The following SIPA1L3 variants were observed in gnomAD, a reference collection of about 807,000 sequenced individuals.
The protein encoded by SIPA1L3 is signal induced proliferation associated 1 like 3.
Under a neutral mutation model 150.1 loss-of-function variants are expected in SIPA1L3, and 59 were observed. That is an observed-to-expected ratio of 0.39 (90% CI 0.32 to 0.49). The LOEUF is 0.49. SIPA1L3 is among the 20% of genes least tolerant of loss of function. The pLI is 0.86. For synonymous variants in SIPA1L3, 1,070 were observed against 1,077.6 expected (o/e 0.99, Z 0.14); for missense variants, 2,211 against 2,489.5 (o/e 0.89, Z 2.38).
At chr19:38,044,702 G>A (rs1272997040) in intron 2 of SIPA1L3, among the ~76,000 whole-genome samples, 1 of 152,204 alleles carries the variant, frequency 6.6e-6, no homozygotes, top group African/African-American at 2.4e-5. Context: ...TTCATGGATT[G>A]GGGAGAGGTT....
At chr19:37,926,339 C>T (rs573965739) in intron 1 of SIPA1L3, among the ~76,000 whole-genome samples, 60 of 152,318 alleles carry the variant, frequency 3.9e-4, no homozygotes, top group African/African-American at 1.4e-3. Context: ...CAAGAGGCTG[C>T]CCCTTTTCCA....
At chr19:38,105,278 T>C (rs1970597458) in intron 6 of SIPA1L3, among the ~76,000 whole-genome samples, 1 of 151,936 alleles carries the variant, frequency 6.6e-6, no homozygotes, top group Admixed American at 6.6e-5. Flanking sequence ...AGCAGGAGAA[T>C]TGCTTGAACC....
intron 9 of SIPA1L3, among the ~76,000 whole-genome samples, chr19:38,127,739 T>C (rs1971208847): frequency 6.6e-6 from 1 of 152,098 alleles, no homozygotes; most frequent in South Asian, 2.1e-4. Context: ...GCTCAAGCAG[T>C]CCTCCTGCCT....
chr19:37,915,867 G>T (rs1221868917), intron 1 of SIPA1L3, among the ~76,000 whole-genome samples: 1 of 152,114 alleles, frequency 6.6e-6, no homozygotes, highest in Non-Finnish European at 1.5e-5. Context: ...CTGGTTAGAT[G>T]TGAGGACAGT....
At chr19:38,170,017 G>A (rs1220817696) in intron 15 of SIPA1L3, among the ~76,000 whole-genome samples, 2 of 151,764 alleles carry the variant, frequency 1.3e-5, no homozygotes, top group Non-Finnish European at 2.9e-5. Flanking sequence ...GGGCCAGGGT[G>A]GGCTGGAGGG....
intron 2 of SIPA1L3, among the ~76,000 whole-genome samples, chr19:38,066,437 T>G (rs1346215765): frequency 6.6e-6 from 1 of 152,198 alleles, no homozygotes; most frequent in Admixed American, 6.5e-5. Context: ...ATTACAGCAA[T>G]GTAAAACAGT....
At chr19:38,090,471 A>AC (rs1262241368) in intron 4 of SIPA1L3, among the ~76,000 whole-genome samples, 1 of 152,138 alleles carries the variant, frequency 6.6e-6, no homozygotes, top group Non-Finnish European at 1.5e-5. Flanking sequence ...TGTGTTACCC[A>AC]CCTTGGGTCC....
In SIPA1L3 at chr19:38,164,565, C is replaced by A; in HGVS notation, c.3867C>A (p.Asp1289Glu). The A allele has an allele frequency of 6.2e-7, 1 of 1,614,090 alleles. No homozygotes were observed. ...SSSHSDDRWF[D>E]PLDPLEPEQD... ...GCCACAGCGACGACCGCTGGTTCGACCCCCTGGACCCCCTGGAGCCAGAGC... is the reference window on the plus strand; with the variant it reads ...GCCACAGCGACGACCGCTGGTTCGAACCCCTGGACCCCCTGGAGCCAGAGC... Residue 1289 changes from aspartate to glutamate, a missense_variant, in exon 15 of 22, where the codon GAC becomes GAA. This residue lies in a region of SIPA1L3 where 806 missense variants were observed against 870.1 expected (regional missense o/e 0.93). Coordinates refer to ENST00000222345, the MANE Select transcript of SIPA1L3 (RefSeq NM_015073.3). This position sits in a 1 kb window ranked among gnomAD's most constrained non-coding sequence, Gnocchi z 4.1.
At chr19:38,187,927 C>T (rs1972723420) in intron 16 of SIPA1L3, among the ~76,000 whole-genome samples, 2 of 150,572 alleles carry the variant, frequency 1.3e-5, no homozygotes, top group South Asian at 2.1e-4. Context: ...ACCCAGGAAG[C>T]GGAGGTTGCA....
intron 1 of SIPA1L3, among the ~76,000 whole-genome samples, chr19:37,943,346 C>T (rs2046679919): frequency 6.6e-6 from 1 of 152,070 alleles, no homozygotes; most frequent in African/African-American, 2.4e-5. Context: ...CACAGTCCGA[C>T]CACGCTCTCT....
At chr19:37,990,511 G>A (rs1167857634) in intron 1 of SIPA1L3, among the ~76,000 whole-genome samples, 1 of 152,184 alleles carries the variant, frequency 6.6e-6, no homozygotes, top group African/African-American at 2.4e-5. Flanking sequence ...TCTTCTGGCT[G>A]GGCATGGAGA....
At chr19:38,085,967 G>T (rs1358449681) in intron 3 of SIPA1L3, among the ~76,000 whole-genome samples, 1 of 152,080 alleles carries the variant, frequency 6.6e-6, no homozygotes, top group Non-Finnish European at 1.5e-5. Flanking sequence ...TCACAATCCA[G>T]CCTGGGCGAC....
At chr19:38,103,040 T>G (rs1284828897) in intron 6 of SIPA1L3, among the ~76,000 whole-genome samples, 1 of 151,892 alleles carries the variant, frequency 6.6e-6, no homozygotes, top group Non-Finnish European at 1.5e-5. Flanking sequence ...GGCGAATCGC[T>G]TGAACCCGGG....
intron 12 of SIPA1L3, among the ~76,000 whole-genome samples, chr19:38,143,088 C>T (rs761817008): frequency 8.5e-5 from 13 of 152,152 alleles, no homozygotes; most frequent in African/African-American, 2.7e-4. Context: ...TGCCCACTTG[C>T]GTCCATCTGC....
intron 1 of SIPA1L3, among the ~76,000 whole-genome samples, chr19:37,948,054 T>C (rs705491): frequency 0.4 from 60,189 of 152,048 alleles, 15,477 homozygotes; most frequent in East Asian, 0.71. Flanking sequence ...AGGATGTTTC[T>C]GAATCCCCTT....
chr19:38,067,628 G>T (rs1255743257), intron 2 of SIPA1L3, among the ~76,000 whole-genome samples: 2 of 152,082 alleles, frequency 1.3e-5, no homozygotes, highest in African/African-American at 4.8e-5. Context: ...TGGGCATGGT[G>T]GTGCGAGCCT....
intron 10 of SIPA1L3, among the ~76,000 whole-genome samples, chr19:38,137,445 T>C (rs1971460510): frequency 6.6e-6 from 1 of 151,698 alleles, no homozygotes; most frequent in Admixed American, 6.6e-5. Flanking sequence ...CGCCTCGGCC[T>C]CCCAAAGTGC....
chr19:38,010,577 G>A (rs1968073638), intron 1 of SIPA1L3, among the ~76,000 whole-genome samples: 2 of 152,096 alleles, frequency 1.3e-5, no homozygotes, highest in Admixed American at 6.6e-5. Flanking sequence ...TGGGCGTGGT[G>A]GCAGGCACCT....
At chr19:38,174,358 G>A (rs576660351) in intron 15 of SIPA1L3, among the ~76,000 whole-genome samples, 24 of 152,320 alleles carry the variant, frequency 1.6e-4, no homozygotes, top group South Asian at 8.3e-4. Flanking sequence ...ACGTCAGGGA[G>A]AGAAAGCAAG....
Sources: allele counts gnomAD v4.1 joint callset (sites outside exome capture counted in the v4.1 genomes callset), GRCh38; gene constraint gnomAD v4.1.1; regional missense constraint gnomAD v4.1.1; non-coding constraint Gnocchi (gnomAD v3.1); transcripts MANE v1.5; gene names NCBI Gene and HGNC (gene_info 2026-07-23, HGNC 2026-07-21).